CPSF3: variants seen among roughly 807,000 people sequenced by gnomAD.
CPSF3 encodes the protein cleavage and polyadenylation specificity factor subunit 3.
A neutral mutation model predicts 84.1 loss-of-function variants in CPSF3; 57 were observed. The ratio of observed to expected loss-of-function variants is 0.68; its 90% confidence interval spans 0.55 to 0.85. The LOEUF (loss-of-function observed/expected upper bound fraction) is 0.85, where lower values mean the gene tolerates loss of function less well. Among genes scored for constraint, CPSF3 ranks in the 40% least tolerant of loss-of-function variants. CPSF3 has a pLI of 0.00. For synonymous variants in CPSF3, 275 were observed against 278.1 expected (o/e 0.99, Z 0.11); for missense variants, 522 against 838.8 (o/e 0.62, Z 4.66).
chr2:9,462,479 T>C (rs915304797), intron 15 of CPSF3, among the ~76,000 whole-genome samples: 14 of 152,232 alleles, frequency 9.2e-5, no homozygotes, highest in African/African-American at 3.1e-4. Flanking sequence ...GTTTTCCATG[T>C]GGCAGAGGAG....
At chr2:9,436,068 C>T in intron 6 of CPSF3, 143 bp from the exon 7 acceptor site, 1 of 676,892 alleles carries the variant, frequency 1.5e-6, no homozygotes, top group Non-Finnish European at 2.3e-6. Context: ...TTCCCAATTA[C>T]TATTATGACA....
chr2:9,442,881 G>A (rs1470933856), intron 9 of CPSF3, among the ~76,000 whole-genome samples: 1 of 151,888 alleles, frequency 6.6e-6, no homozygotes, highest in Admixed American at 6.6e-5. Context: ...AAAATTTCCA[G>A]GCCTGGCACA....
intron 14 of CPSF3, among the ~76,000 whole-genome samples, chr2:9,459,100 A>T (rs2124855582): frequency 6.6e-6 from 1 of 152,124 alleles, no homozygotes; most frequent in South Asian, 2.1e-4. Flanking sequence ...CAATGGGAGC[A>T]AAATTCCATC....
chr2:9,426,281 G>T (rs114776837), intron 1 of CPSF3, among the ~76,000 whole-genome samples: 1 of 152,310 alleles, frequency 6.6e-6, no homozygotes, highest in Non-Finnish European at 1.5e-5. Context: ...ATTAGAGGAG[G>T]TAGTCAAGGG....
intron 15 of CPSF3, among the ~76,000 whole-genome samples, chr2:9,464,142 T>G (rs959570367): frequency 2.6e-5 from 4 of 152,214 alleles, no homozygotes; most frequent in Non-Finnish European, 5.9e-5. Flanking sequence ...AGGGGAAATC[T>G]TATATATTTT....
intron 12 of CPSF3, 73 bp from the exon 13 acceptor site, chr2:9,455,584 TTC>T (rs2124849246): frequency 3.8e-6 from 4 of 1,044,792 alleles, no homozygotes; most frequent in Middle Eastern, 2.1e-4. Context: ...TTGCTTTTAT[TTC>T]TTTTTTCTTT....
At chr2:9,442,824 A>G (rs558303443) in intron 9 of CPSF3, among the ~76,000 whole-genome samples, 7 of 151,396 alleles carry the variant, frequency 4.6e-5, no homozygotes, top group East Asian at 1.9e-4. Flanking sequence ...CTGCACTCCA[A>G]TCTGGGTGAC....
chr2:9,464,118 C>G (rs1160494876), intron 15 of CPSF3, among the ~76,000 whole-genome samples: 1 of 152,024 alleles, frequency 6.6e-6, no homozygotes, highest in South Asian at 2.1e-4. Context: ...TTATGTGTCC[C>G]CATTCTTAAC....
At chr2:9,464,739 C>T (rs1405018548) in intron 15 of CPSF3, among the ~76,000 whole-genome samples, 1 of 151,944 alleles carries the variant, frequency 6.6e-6, no homozygotes, top group Non-Finnish European at 1.5e-5. Context: ...ACTATAGACG[C>T]ACATCACCAC....
Position 9,432,613 on chromosome 2 carries a change from A to C in CPSF3, c.444A>C (p.Gly148=), listed in dbSNP as rs757249108. Residue 148 remains glycine, a synonymous_variant, in exon 5 of 18, where the codon GGA becomes GGC. Transcript: ENST00000238112. ...TTCATGAAGTTAAGGAAGTTGCGGG[A>C]ATCAAGTTTTGGTGTTACCATGCAG... ...INFHEVKEVA[G]IKFWCYHAGH... 2.5e-6 allele frequency: 4 copies of C among 1,592,356 alleles called. No individual in the cohort carries two copies. The South Asian group carries it at 3.4e-5, about 14-fold the overall frequency.
At chr2:9,428,729 T>A in intron 1 of CPSF3, 36 bp from the exon 2 acceptor site, 1 of 1,484,148 alleles carries the variant, frequency 6.7e-7, no homozygotes, top group Non-Finnish European at 9.4e-7. Flanking sequence ...TTTGATTTTT[T>A]TTAATCCTTC....
chr2:9,461,369 A>G (rs1171024616), intron 15 of CPSF3, among the ~76,000 whole-genome samples: 3 of 152,136 alleles, frequency 2.0e-5, no homozygotes, highest in Non-Finnish European at 2.9e-5. Context: ...GCAATTGTCA[A>G]TTTTCTCTTA....
chr2:9,457,778 A>G (rs111816279), intron 14 of CPSF3, among the ~76,000 whole-genome samples: 241 of 151,596 alleles, frequency 1.6e-3, no homozygotes, highest in African/African-American at 5.6e-3. Flanking sequence ...TTTGAGACAG[A>G]GTCTTACTCT....
chr2:9,451,697 G>C (rs1681333926), intron 11 of CPSF3, among the ~76,000 whole-genome samples: 1 of 143,544 alleles, frequency 7.0e-6, no homozygotes, highest in South Asian at 2.2e-4. Flanking sequence ...GACTGTCTCA[G>C]AAAAATAAAT....
intron 15 of CPSF3, among the ~76,000 whole-genome samples, chr2:9,464,910 G>A (rs1025760564): frequency 1.5e-4 from 23 of 151,702 alleles, no homozygotes; most frequent in Admixed American, 9.9e-4. Flanking sequence ...TTTTTTTAAT[G>A]GAGATGGGGT....
intron 15 of CPSF3, among the ~76,000 whole-genome samples, chr2:9,466,196 T>TCACACACACACGCG (rs1558465906): frequency 7.1e-6 from 1 of 141,558 alleles, no homozygotes; most frequent in Non-Finnish European, 1.6e-5. Flanking sequence ...ACACACGCGC[T>TCACACACACACGCG]CACACACACA....
intron 10 of CPSF3, among the ~76,000 whole-genome samples, chr2:9,445,472 C>CTT (rs1296783600): frequency 6.6e-6 from 1 of 152,074 alleles, no homozygotes. Context: ...TTCATGCAGT[C>CTT]TTTTGTTCGT....
intron 1 of CPSF3, among the ~76,000 whole-genome samples, chr2:9,426,777 G>T (rs1680407210): frequency 2.0e-5 from 3 of 151,230 alleles, no homozygotes; most frequent in Non-Finnish European, 1.5e-5. Flanking sequence ...GATAGGGACT[G>T]ACACCTATAG....
At chr2:9,426,465 A>ATCTCTAGTGTCACGTGTATG (rs1680396610) in intron 1 of CPSF3, among the ~76,000 whole-genome samples, 1 of 152,206 alleles carries the variant, frequency 6.6e-6, no homozygotes, top group East Asian at 1.9e-4. Flanking sequence ...CCTAGTAGAG[A>ATCTCTAGTGTCACGTGTATG]TACCTAGTGT....
Sources: allele counts gnomAD v4.1 joint callset (sites outside exome capture counted in the v4.1 genomes callset), GRCh38; gene constraint gnomAD v4.1.1; transcripts MANE v1.5; gene names NCBI Gene and HGNC (gene_info 2026-07-23, HGNC 2026-07-21).